ADGRB2: variants seen among roughly 807,000 people sequenced by gnomAD.
ADGRB2 encodes adhesion G protein-coupled receptor B2.
ADGRB2 carries 47 observed loss-of-function variants against 178.7 expected under a neutral mutation model. That is an observed-to-expected ratio of 0.26 (90% CI 0.21 to 0.34). ADGRB2 has a LOEUF of 0.34. ADGRB2 is among the 10% of genes least tolerant of loss of function. ADGRB2 has a pLI of 1.00. For synonymous variants in ADGRB2, 870 were observed against 912.4 expected, an observed-to-expected ratio of 0.95 and a Z score of 0.84; for missense variants, 1,584 against 2,180.8, an observed-to-expected ratio of 0.73 and a Z score of 5.45.
Position 31,735,853 on chromosome 1 carries a change from C to T in ADGRB2, c.3241G>A (p.Val1081Met). Reference sequence around the variant, plus strand: ...AGGACAATGACGGCTGCAGGGCCCACAAAGGCGTAGAGCAGGCCGCCCTCC... The same window carrying T: ...AGGACAATGACGGCTGCAGGGCCCATAAAGGCGTAGAGCAGGCCGCCCTCC... ...SLEGGLLYAF[V>M]GPAAVIVLVN... Residue 1081 changes from valine (V) to methionine (M), a missense_variant, in exon 23 of 33, where the codon GTG (valine) becomes ATG (methionine). Around this residue, in one of 3 missense-constraint regions of ADGRB2, gnomAD observed 865 missense variants for 1,192.8 expected, o/e 0.73. Coordinates refer to ENST00000373658, the MANE Select transcript of ADGRB2 (RefSeq NM_001364857.2). This position sits in a 1 kb window ranked among gnomAD's most constrained non-coding sequence, Gnocchi z 6.0. The T allele has an allele frequency of 6.2e-7, 1 of 1,608,720 alleles. No homozygotes were observed. The highest frequency in any genetic ancestry group is 8.5e-7 in the Non-Finnish European group (1 of 1,177,392).
chr1:31,736,525 C>T, intron 21 of ADGRB2, 48 bp downstream of exon 21: 1 of 1,602,460 alleles, frequency 6.2e-7, no homozygotes, highest in Non-Finnish European at 8.5e-7. Context: ...TCTTGCTGCC[C>T]CTGCCCACCA....
chr1:31,755,889 G>A lies in ADGRB2; in HGVS notation c.838+110C>T, dbSNP rs145252924. ...CATTTGGACAAGGCTCAGCAGAGGGGTGACATCAGTGAACAGCTACATGCA... is the reference window on the plus strand; with the variant it reads ...CATTTGGACAAGGCTCAGCAGAGGGATGACATCAGTGAACAGCTACATGCA... On this transcript the variant is annotated intron_variant, in intron 4 of 32. Coordinates refer to ENST00000373658, the MANE Select transcript of ADGRB2 (RefSeq NM_001364857.2). This position sits in a 1 kb window ranked among gnomAD's most constrained non-coding sequence, Gnocchi z 5.1. 2.6e-4 allele frequency: 367 copies of A among 1,417,212 alleles called. No individual in the cohort carries two copies. The African/African-American group carries it at 4.8e-3, about 19-fold the overall frequency. The allele number at this position is 1,417,212 out of a possible 1,614,324, so 87.8% of individuals were successfully genotyped here.
In ADGRB2 at chr1:31,761,491, T is replaced by C. The variant is rs1326513769; in HGVS notation, c.-191+2393A>G. Among the ~76,000 whole-genome samples the C allele has an allele frequency of 6.6e-6, 1 of 151,900 alleles. No individual in the cohort carries two copies. The highest frequency in any genetic ancestry group is 1.5e-5 in the Non-Finnish European group (1 of 67,968). On this transcript the variant is annotated intron_variant, in intron 1 of 32. Transcript: ENST00000373658. This position sits in a 1 kb window ranked among gnomAD's most constrained non-coding sequence, Gnocchi z 4.2. ...CTGCCTTCGGGGACTCTGACTGGGG[T>C]TTCTTCTCTGTACTTCTCCCACCTC...
Position 31,735,735 on chromosome 1 carries a change from T to A in ADGRB2, c.3268-70A>T. The A allele has an allele frequency of 6.3e-7, 1 of 1,575,606 alleles. No homozygotes were observed. The highest frequency in any genetic ancestry group is 8.7e-7 in the Non-Finnish European group (1 of 1,155,452). On this transcript the variant is annotated intron_variant, in intron 23 of 32. Coordinates refer to ENST00000373658, the MANE Select transcript of ADGRB2 (RefSeq NM_001364857.2). This position sits in a 1 kb window ranked among gnomAD's most constrained non-coding sequence, Gnocchi z 6.0. Reference sequence around the variant, plus strand: ...TGCCCTCCTGGCAGGGAAATCCCCATGTGGGAGCTGGAGCGCAGGGAGGAG... The same window carrying A: ...TGCCCTCCTGGCAGGGAAATCCCCAAGTGGGAGCTGGAGCGCAGGGAGGAG...
chr1:31,730,264 A>T (rs976963294), intron 29 of ADGRB2, among the ~76,000 whole-genome samples: 4 of 152,316 alleles, frequency 2.6e-5, no homozygotes, highest in East Asian at 1.9e-4. Context: ...GCCTGTGGGC[A>T]GCATCTGCAG....
In ADGRB2 at chr1:31,730,872, G is replaced by C; in HGVS notation, c.4308C>G (p.Pro1436=). 6.4e-7 allele frequency: 1 copy of C among 1,562,174 alleles called. No homozygotes were observed. The highest frequency in any genetic ancestry group is 1.4e-5 in the African/African-American group (1 of 73,294). The stretch of plus-strand genomic sequence containing the variant: ...TGGTCCGGCTGCGCTCCCCTGGCTC[G>C]GGCACTTGGCGGGCGCTGGGTGTCG... The part of the protein sequence containing the change: ...PPPTPSARQV[P]EPGERSRTMP... Residue 1436 remains proline, a synonymous_variant, in exon 29 of 33, where the codon CCC becomes CCG. Coordinates refer to ENST00000373658, the MANE Select transcript of ADGRB2 (RefSeq NM_001364857.2).
At chr1:31,749,921 AAG>A (rs551272842) in intron 4 of ADGRB2, among the ~76,000 whole-genome samples, 5 of 151,376 alleles carry the variant, frequency 3.3e-5, no homozygotes, top group Admixed American at 6.6e-5. Flanking sequence ...GTTTCAGAAA[AAG>A]AGAGAGAGAG....
Position 31,741,380 on chromosome 1 carries a change from T to G in ADGRB2, c.1787A>C (p.Tyr596Ser). The change falls in exon 11 of 33, where the codon TAT (tyrosine) becomes TCT (serine). Residue 596 changes from tyrosine (Y) to serine (S), a missense_variant. Transcript: ENST00000373658. This position sits in a 1 kb window ranked among gnomAD's most constrained non-coding sequence, Gnocchi z 6.5. Reference sequence around the variant, plus strand: ...CCAGCAGGGTGCACTCACTGACAGATACAGGTAGCGGTACTCATGGGAGAT... The same window carrying G: ...CCAGCAGGGTGCACTCACTGACAGAGACAGGTAGCGGTACTCATGGGAGAT... ...RCISHEYRYLYLSLREHLAKG... is the reference protein window; with the variant it reads ...RCISHEYRYLSLSLREHLAKG... 1 of 1,601,262 alleles carries G rather than the reference T, an allele frequency of 6.2e-7. No homozygotes were observed. The highest frequency in any genetic ancestry group is 1.1e-5 in the South Asian group (1 of 88,708).
At position 31,739,398 on chromosome 1, in the gene ADGRB2, C is replaced by T. The variant is rs1203376569; in HGVS notation, c.2405G>A (p.Arg802His). The T allele has an allele frequency of 5.2e-6, 8 of 1,548,954 alleles. No homozygotes were observed. The African/African-American group carries it at 5.4e-5, about 11-fold the overall frequency. The change falls in exon 15 of 33, where the codon CGC becomes CAC. Residue 802 changes from arginine to histidine, a missense_variant. Physicochemically the swap from Arg to His is conservative, Grantham distance 29. Transcript: ENST00000373658. Reference protein sequence around the residue: ...VPPGPGHSHQRLLPADPDESS... With the variant: ...VPPGPGHSHQHLLPADPDESS... ...CTCATCAGGGTCTGCTGGGAGGAGG[C>T]GCTGGTGGGAGTGGCCTGGGCCAGG...
At position 31,735,171 on chromosome 1, in the gene ADGRB2, G is replaced by A. The variant is rs1447467715; in HGVS notation, c.3452+12C>T. On this transcript the variant is annotated intron_variant, in intron 25 of 32. Coordinates refer to ENST00000373658, the MANE Select transcript of ADGRB2 (RefSeq NM_001364857.2). This position sits in a 1 kb window ranked among gnomAD's most constrained non-coding sequence, Gnocchi z 6.0. Reference sequence around the variant, plus strand: ...CACCCACCCCCACCGCCCCCCAGGGGGCACGACTAACATGGCGTTCCTGGC... The same window carrying A: ...CACCCACCCCCACCGCCCCCCAGGGAGCACGACTAACATGGCGTTCCTGGC... 1 of 1,418,960 alleles carries A rather than the reference G, an allele frequency of 7.0e-7. No homozygotes were observed. The highest frequency in any genetic ancestry group is 3.0e-5 in the Admixed American group (1 of 33,670). The allele number at this position is 1,418,960 out of a possible 1,614,324, so 87.9% of individuals were successfully genotyped here.
In ADGRB2 at chr1:31,763,962, C is replaced by T. The variant is rs1647126646; in HGVS notation, c.-269G>A. ...GGGCGCAAGTTTGCCATCCCTAAGT[C>T]GGGGACCGGGCCGGGCGCAGGGTAG... On this transcript the variant is annotated 5_prime_UTR_variant, in exon 1 of 33. Coordinates refer to ENST00000373658, the MANE Select transcript of ADGRB2 (RefSeq NM_001364857.2). 1.0e-6 allele frequency: 1 copy of T among 982,676 alleles called. No homozygotes were observed. The highest frequency in any genetic ancestry group is 1.2e-6 in the Non-Finnish European group (1 of 829,224). 60.9% of individuals were successfully genotyped at this position (982,676 alleles called of 1,614,324 possible). A position where few individuals can be genotyped will look rare whatever the true frequency, so the allele number is the denominator to read the frequency against.
Position 31,753,395 on chromosome 1 carries a change from C to T in ADGRB2, c.838+2604G>A, listed in dbSNP as rs1187491853. The stretch of plus-strand genomic sequence containing the variant: ...TTGTCAAACTCACTCGGCTCTGAGG[C>T]GTCCCAGGCACTCCGCCAGTCACTG... On this transcript the variant is annotated intron_variant, in intron 4 of 32. Coordinates refer to ENST00000373658, the MANE Select transcript of ADGRB2 (RefSeq NM_001364857.2). The surrounding 1 kb of genome is among the most constrained non-coding windows in gnomAD (Gnocchi z 4.1). Among the ~76,000 whole-genome samples the T allele has an allele frequency of 1.3e-5, 2 of 152,220 alleles. No homozygotes were observed. The highest frequency in any genetic ancestry group is 2.9e-5 in the Non-Finnish European group (2 of 68,046).
In ADGRB2 at chr1:31,738,893, C is replaced by T. The variant is rs993522337; in HGVS notation, c.2540G>A (p.Arg847His). 3.1e-6 allele frequency: 5 copies of T among 1,613,670 alleles called. No homozygotes were observed. Among genetic ancestry groups the T allele is most frequent in the East Asian group, 2.2e-5 (1 of 44,884 alleles). Reference protein sequence around the residue: ...VTSRVMTVTVRPPTQPPAEPL... With the variant: ...VTSRVMTVTVHPPTQPPAEPL... ...CTCAGCTGGAGGCTGGGTAGGGGGG[C>T]GCACAGTCACTGTCATCACCCGGGA... Residue 847 changes from arginine (R) to histidine (H), a missense_variant, in exon 16 of 33, where the codon CGC (arginine) becomes CAC (histidine). Arg to His is a conservative substitution (Grantham distance 29, BLOSUM62 0). This residue lies in a region of ADGRB2 where 865 missense variants were observed against 1,192.8 expected (regional missense o/e 0.73). Transcript: ENST00000373658.
At position 31,732,954 on chromosome 1, in the gene ADGRB2, G is replaced by A. The variant is rs1449693011; in HGVS notation, c.3624+18C>T. On this transcript the variant is annotated intron_variant, in intron 26 of 32. Coordinates refer to ENST00000373658, the MANE Select transcript of ADGRB2 (RefSeq NM_001364857.2). ...CAGGTGTGGTGGGCACACACAGGCGGGAGAGGCCCAGCCCCACCTCTCGGC... is the reference window on the plus strand; with the variant it reads ...CAGGTGTGGTGGGCACACACAGGCGAGAGAGGCCCAGCCCCACCTCTCGGC... The A allele has an allele frequency of 6.5e-7, 1 of 1,549,316 alleles. No individual in the cohort carries two copies. The highest frequency in any genetic ancestry group is 2.4e-5 in the East Asian group (1 of 41,140).
Position 31,756,414 on chromosome 1 carries a change from C to T in ADGRB2, c.423G>A (p.Leu141=), listed in dbSNP as rs771963142. Residue 141 remains leucine (L), a synonymous_variant, in exon 4 of 33, where the codon CTG becomes CTA. Coordinates refer to ENST00000373658, the MANE Select transcript of ADGRB2 (RefSeq NM_001364857.2). The surrounding 1 kb of genome is among the most constrained non-coding windows in gnomAD (Gnocchi z 8.5). ...EEAEAAAGLE[L]CSGSGPFTFL... The stretch of plus-strand genomic sequence containing the variant: ...AGGTAAAGGGGCCTGAGCCGCTGCA[C>T]AGCTCCAACCCCGCTGCCGCCTCTG... 16 of 1,612,812 alleles carry T rather than the reference C, an allele frequency of 9.9e-6. No homozygotes were observed. Among genetic ancestry groups the T allele is most frequent in the East Asian group, 6.7e-5 (3 of 44,844 alleles).
At position 31,756,516 on chromosome 1, in the gene ADGRB2, A is replaced by G. The variant is rs370278129; in HGVS notation, c.321T>C (p.Phe107=). 2 of 1,613,048 alleles carry G rather than the reference A, an allele frequency of 1.2e-6. No homozygotes were observed. The part of the protein sequence containing the change: ...LLPLDHYLVN[F]TCLRPSPEEA... ...CCTCGGGGCTAGGCCGCAGGCAGGT[A>G]AAGTTGACCAGGTAGTGGTCCAGGG... The change falls in exon 4 of 33, where the codon TTT becomes TTC. Residue 107 remains phenylalanine (F), a synonymous_variant. Coordinates refer to ENST00000373658, the MANE Select transcript of ADGRB2 (RefSeq NM_001364857.2). This position sits in a 1 kb window ranked among gnomAD's most constrained non-coding sequence, Gnocchi z 8.5.
rs1410476106 is a variant in ADGRB2, at chr1:31,759,437, G to A, written c.-190-1926C>T. 1.3e-6 allele frequency: 1 copy of A among 773,412 alleles called. No individual in the cohort carries two copies. The highest frequency in any genetic ancestry group is 2.4e-6 in the Non-Finnish European group (1 of 414,332). The allele number at this position is 773,412 out of a possible 1,614,324, so 47.9% of individuals were successfully genotyped here. A position where few individuals can be genotyped will look rare whatever the true frequency, so the allele number is the denominator to read the frequency against. On this transcript the variant is annotated intron_variant, in intron 1 of 32. Transcript: ENST00000373658. This position sits in a 1 kb window ranked among gnomAD's most constrained non-coding sequence, Gnocchi z 4.3. ...ATCTCCCTCCCCTACCCTGCTCCTA[G>A]GCTGCTGCTCCCTACTCCACAGCCC...
chr1:31,745,518 T>C (rs1646228832), intron 4 of ADGRB2, among the ~76,000 whole-genome samples: 1 of 152,164 alleles, frequency 6.6e-6, no homozygotes, highest in African/African-American at 2.4e-5. Flanking sequence ...GTGGCTTCCA[T>C]TCTCCAAAGC....
rs1276336512 is a variant in ADGRB2, at chr1:31,744,572, C to T, written c.922+76G>A. 1 of 1,542,078 alleles carries T rather than the reference C, an allele frequency of 6.5e-7. No individual in the cohort carries two copies. Among genetic ancestry groups the T allele is most frequent in the Non-Finnish European group, 8.9e-7 (1 of 1,127,610 alleles). Reference sequence around the variant, plus strand: ...ACTGCAGGACAGAGACAGACAGGCACACACCAAGCACACACACCACCAGAC... The same window carrying T: ...ACTGCAGGACAGAGACAGACAGGCATACACCAAGCACACACACCACCAGAC... On this transcript the variant is annotated intron_variant, in intron 5 of 32. Transcript: ENST00000373658. The surrounding 1 kb of genome is among the most constrained non-coding windows in gnomAD (Gnocchi z 6.7).
Sources: gnomAD v4.1 joint callset for allele counts (sites outside exome capture counted in the v4.1 genomes callset) on GRCh38, gnomAD v4.1.1 for gene constraint, gnomAD v4.1.1 regional missense constraint, Gnocchi (gnomAD v3.1) non-coding constraint, MANE v1.5 for transcripts, NCBI Gene and HGNC (gene_info 2026-07-23, HGNC 2026-07-21) for gene names.